GNAQ: variants seen among roughly 807,000 people sequenced by gnomAD.
The protein encoded by GNAQ is guanine nucleotide-binding protein G(q) subunit alpha.
A neutral mutation model predicts 43.9 loss-of-function variants in GNAQ; 8 were observed. That is an observed-to-expected ratio of 0.18 (90% CI 0.11 to 0.33). The LOEUF is 0.33. GNAQ is among the 10% of genes least tolerant of loss of function. The pLI, the probability that GNAQ is intolerant of heterozygous loss-of-function variation, is 1.00. For synonymous variants in GNAQ, 155 were observed against 170.7 expected (o/e 0.91, Z 0.71); for missense variants, 158 against 450.8 (o/e 0.35, Z 5.88).
intron 1 of GNAQ, among the ~76,000 whole-genome samples, chr9:77,962,535 T>C (rs1389202917): frequency 6.6e-6 from 1 of 152,070 alleles, no homozygotes; most frequent in Non-Finnish European, 1.5e-5. Flanking sequence ...GGGGAAAAGA[T>C]ACACCATGCT....
intron 3 of GNAQ, among the ~76,000 whole-genome samples, chr9:77,806,074 G>T (rs1826825470): frequency 6.6e-6 from 1 of 152,100 alleles, no homozygotes; most frequent in African/African-American, 2.4e-5. Flanking sequence ...TAGATTCTCA[G>T]GTGTAGTGCT....
intron 2 of GNAQ, among the ~76,000 whole-genome samples, chr9:77,917,495 G>C (rs1045182052): frequency 1.3e-5 from 2 of 151,522 alleles, no homozygotes; most frequent in Admixed American, 6.6e-5. Context: ...CTGCACATGT[G>C]CCCCTGAACC....
At chr9:77,807,032 T>G (rs149847403) in intron 3 of GNAQ, among the ~76,000 whole-genome samples, 1 of 152,182 alleles carries the variant, frequency 6.6e-6, no homozygotes, top group African/African-American at 2.4e-5. Flanking sequence ...TCTGTGAGAT[T>G]AGAACTTTCA....
At chr9:78,023,702 T>C (rs750231497) in intron 1 of GNAQ, among the ~76,000 whole-genome samples, 6 of 152,136 alleles carry the variant, frequency 3.9e-5, no homozygotes, top group Non-Finnish European at 7.4e-5. Flanking sequence ...AAAAATTCTA[T>C]TTCTATTTTT....
chr9:77,728,017 A>G (rs1825425639), intron 6 of GNAQ, among the ~76,000 whole-genome samples: 2 of 151,222 alleles, frequency 1.3e-5, no homozygotes, highest in South Asian at 4.2e-4. Flanking sequence ...TTTTTTTTAG[A>G]CAGAGTCTTG....
chr9:77,870,311 T>G (rs1828015714), intron 2 of GNAQ, among the ~76,000 whole-genome samples: 1 of 151,606 alleles, frequency 6.6e-6, no homozygotes. Context: ...CTTGATGCCT[T>G]TTTTTGGTGC....
At position 77,778,047 on chromosome 9, in the gene GNAQ, C is replaced by G. The variant is rs1826330550; in HGVS notation, c.735+16416G>C. Among the ~76,000 whole-genome samples the G allele has an allele frequency of 2.0e-5, 3 of 151,884 alleles. No homozygotes were observed. In the South Asian group the frequency reaches 6.2e-4, roughly 32 times the overall value. ...AAAAATTGTACATGAATGTTCACAGCAACATTATTTGTAATAGCCAAAAAG... is the reference window on the plus strand; with the variant it reads ...AAAAATTGTACATGAATGTTCACAGGAACATTATTTGTAATAGCCAAAAAG... On this transcript the variant is annotated intron_variant, in intron 5 of 6. Coordinates refer to ENST00000286548, the MANE Select transcript of GNAQ (RefSeq NM_002072.5).
chr9:77,975,751 G>T (rs1388083200), intron 1 of GNAQ, among the ~76,000 whole-genome samples: 2 of 148,118 alleles, frequency 1.4e-5, no homozygotes, highest in African/African-American at 4.9e-5. Context: ...TGTTGGCCAG[G>T]ATGGTTGATC....
chr9:78,029,513 C>A (rs576641265), intron 1 of GNAQ, among the ~76,000 whole-genome samples: 1 of 152,060 alleles, frequency 6.6e-6, no homozygotes, highest in Non-Finnish European at 1.5e-5. Flanking sequence ...TTGCCTCCTC[C>A]CTGGCTTCAT....
chr9:78,007,751 T>C (rs1298635188), intron 1 of GNAQ, among the ~76,000 whole-genome samples: 5 of 152,238 alleles, frequency 3.3e-5, no homozygotes, highest in Admixed American at 6.5e-5. Context: ...CCCTATCTTG[T>C]GAGATCCCAC....
At chr9:77,879,185 AT>A (rs879666464) in intron 2 of GNAQ, among the ~76,000 whole-genome samples, 2 of 152,184 alleles carry the variant, frequency 1.3e-5, no homozygotes, top group Non-Finnish European at 2.9e-5. Flanking sequence ...TTTAATTGTA[AT>A]TTTTTAAAGG....
At chr9:77,772,544 CTCCCTTTTCT>C (rs1826242484) in intron 5 of GNAQ, among the ~76,000 whole-genome samples, 1 of 152,170 alleles carries the variant, frequency 6.6e-6, no homozygotes, top group Non-Finnish European at 1.5e-5. Flanking sequence ...GGAATAGAAA[CTCCCTTTTCT>C]CTTGGGTTGC....
At chr9:77,971,052 C>A (rs1281920272) in intron 1 of GNAQ, among the ~76,000 whole-genome samples, 2 of 152,148 alleles carry the variant, frequency 1.3e-5, no homozygotes, top group Non-Finnish European at 2.9e-5. Context: ...TTCCTGGATA[C>A]ACACACCCTC....
At chr9:77,819,076 G>T (rs375116898) in intron 2 of GNAQ, among the ~76,000 whole-genome samples, 4 of 136,830 alleles carry the variant, frequency 2.9e-5, no homozygotes, top group East Asian at 2.3e-4. Context: ...TAAACAAAAT[G>T]TAAAATATAA....
intron 3 of GNAQ, among the ~76,000 whole-genome samples, chr9:77,801,320 T>C (rs1435970442): frequency 2.0e-5 from 3 of 152,160 alleles, no homozygotes; most frequent in Non-Finnish European, 4.4e-5. Context: ...GAAATGAATA[T>C]CCAAGACACT....
intron 2 of GNAQ, among the ~76,000 whole-genome samples, chr9:77,877,381 A>G (rs1828141352): frequency 6.6e-6 from 1 of 152,166 alleles, no homozygotes; most frequent in Non-Finnish European, 1.5e-5. Context: ...TCACCACCCC[A>G]TGTAATGACG....
intron 1 of GNAQ, among the ~76,000 whole-genome samples, chr9:77,964,336 T>C (rs905474535): frequency 6.6e-6 from 1 of 152,148 alleles, no homozygotes; most frequent in African/African-American, 2.4e-5. Flanking sequence ...GAGATTTTAA[T>C]ACCCCTTTCT....
chr9:77,973,619 C>G (rs1823265132), intron 1 of GNAQ, among the ~76,000 whole-genome samples: 1 of 152,172 alleles, frequency 6.6e-6, no homozygotes, highest in Admixed American at 6.6e-5. Context: ...GAGTTCAAGA[C>G]CTGCCTGGCC....
At chr9:77,977,511 C>T (rs1355716683) in intron 1 of GNAQ, among the ~76,000 whole-genome samples, 2 of 152,076 alleles carry the variant, frequency 1.3e-5, no homozygotes, top group African/African-American at 2.4e-5. Context: ...AGTGTTCATA[C>T]AGCAAAGTCG....
Sources: gnomAD v4.1 joint callset for allele counts (sites outside exome capture counted in the v4.1 genomes callset) on GRCh38, gnomAD v4.1.1 for gene constraint, MANE v1.5 for transcripts, NCBI Gene and HGNC (gene_info 2026-07-23, HGNC 2026-07-21) for gene names.